Variants in CLSTN2 observed in about 807,000 individuals in gnomAD.
The protein encoded by CLSTN2 is calsyntenin 2, also known as calsyntenin-2.
Under a neutral mutation model 101.2 loss-of-function variants are expected in CLSTN2, and 48 were observed. The ratio of observed to expected loss-of-function variants is 0.47; its 90% CI spans 0.38 to 0.60. The LOEUF (loss-of-function observed/expected upper bound fraction) is 0.60. CLSTN2 is among the 20% of genes least tolerant of loss of function. The pLI, the probability that CLSTN2 is intolerant of heterozygous loss-of-function variation, is 0.00. For synonymous variants in CLSTN2, 481 were observed against 463.6 expected, an observed-to-expected ratio of 1.04 and a Z score of -0.48; for missense variants, 1,160 against 1,238.2, an observed-to-expected ratio of 0.94 and a Z score of 0.95.
At chr3:140,417,561 C>G (rs1237574777) in intron 4 of CLSTN2, among the ~76,000 whole-genome samples, 2 of 152,124 alleles carry the variant, frequency 1.3e-5, no homozygotes, top group Non-Finnish European at 2.9e-5. Flanking sequence ...AAAAAAAATA[C>G]CTAAACTAAT....
rs181874588 is a variant in CLSTN2, at chr3:140,151,528, T to C, written c.110-24423T>C. 7.9e-5 allele frequency among the ~76,000 whole-genome samples: 12 copies of C among 152,148 alleles called. No individual in the cohort carries two copies. The East Asian group carries it at 2.3e-3, about 30-fold the overall frequency. ...TTATACACGGGGTGACGGGAGTTGC[T>C]GGAAGGGTGTAATCAGGGAGGTGGC... On this transcript the variant is annotated intron_variant, in intron 1 of 16. Coordinates refer to ENST00000458420, the MANE Select transcript of CLSTN2 (RefSeq NM_022131.3).
At chr3:140,156,490 A>G (rs1368844673) in intron 1 of CLSTN2, among the ~76,000 whole-genome samples, 1 of 152,196 alleles carries the variant, frequency 6.6e-6, no homozygotes, top group Non-Finnish European at 1.5e-5. Flanking sequence ...CAGGCATTCT[A>G]TATGGCAGCT....
intron 1 of CLSTN2, among the ~76,000 whole-genome samples, chr3:140,070,950 G>C (rs1162396320): frequency 6.6e-6 from 1 of 152,074 alleles, no homozygotes; most frequent in Non-Finnish European, 1.5e-5. Context: ...GAAAAAGTTT[G>C]CAGATTTCTG....
chr3:140,012,852 T>C (rs1387303613), intron 1 of CLSTN2, among the ~76,000 whole-genome samples: 1 of 152,130 alleles, frequency 6.6e-6, no homozygotes, highest in Non-Finnish European at 1.5e-5. Flanking sequence ...AGAGGGAAAC[T>C]GATGAGCCTG....
At chr3:140,522,855 T>C (rs1935059692) in intron 8 of CLSTN2, among the ~76,000 whole-genome samples, 1 of 152,054 alleles carries the variant, frequency 6.6e-6, no homozygotes, top group Admixed American at 6.6e-5. Flanking sequence ...CTGTGGTTCC[T>C]GTTATGTGAG....
In CLSTN2 at chr3:140,448,510, T is replaced by C; in HGVS notation, c.788-9T>C. On this transcript the variant is annotated splice_polypyrimidine_tract_variant and intron_variant, in intron 5 of 16. Coordinates refer to ENST00000458420, the MANE Select transcript of CLSTN2 (RefSeq NM_022131.3). The stretch of plus-strand genomic sequence containing the variant: ...TGATTCACTTTTCATCCTTTCCTTG[T>C]TTGTTTAGACTGGACCAAGAGGATT... The C allele has an allele frequency of 1.9e-6, 3 of 1,598,696 alleles. No individual in the cohort carries two copies. The highest frequency in any genetic ancestry group is 2.6e-6 in the Non-Finnish European group (3 of 1,168,336).
chr3:140,507,746 T>C (rs888520723), intron 8 of CLSTN2: 1 of 152,208 alleles, frequency 6.6e-6, no homozygotes, highest in Non-Finnish European at 1.5e-5. Context: ...CGTGAGTGTT[T>C]AATTTTCTGT....
intron 1 of CLSTN2, among the ~76,000 whole-genome samples, chr3:140,065,639 A>C (rs1327671716): frequency 1.3e-5 from 2 of 152,196 alleles, no homozygotes; most frequent in Non-Finnish European, 2.9e-5. Flanking sequence ...GTCAACACCC[A>C]GACTTAACTG....
chr3:140,224,393 C>T (rs1175309009), intron 2 of CLSTN2, among the ~76,000 whole-genome samples: 1 of 152,108 alleles, frequency 6.6e-6, no homozygotes, highest in Admixed American at 6.5e-5. Flanking sequence ...ATTTTTTAGT[C>T]ATTTAGCTAG....
At chr3:139,983,901 T>G (rs1935978576) in intron 1 of CLSTN2, among the ~76,000 whole-genome samples, 1 of 152,200 alleles carries the variant, frequency 6.6e-6, no homozygotes, top group Non-Finnish European at 1.5e-5. Context: ...CTAATGCTTC[T>G]AAAAATAAAT....
intron 9 of CLSTN2, among the ~76,000 whole-genome samples, chr3:140,537,385 GA>G (rs150656306): frequency 1.3e-5 from 2 of 150,142 alleles, no homozygotes; most frequent in East Asian, 1.9e-4. Context: ...TTCTAGCAAT[GA>G]AAAAAAAATG....
chr3:140,244,157 G>A (rs547390882), intron 2 of CLSTN2, among the ~76,000 whole-genome samples: 1 of 152,340 alleles, frequency 6.6e-6, no homozygotes, highest in South Asian at 2.1e-4. Flanking sequence ...CCAGGGTTAT[G>A]TAGCAACATG....
At chr3:140,081,955 A>G (rs1045675587) in intron 1 of CLSTN2, among the ~76,000 whole-genome samples, 3 of 152,134 alleles carry the variant, frequency 2.0e-5, no homozygotes, top group African/African-American at 4.8e-5. Context: ...AACTAACTGT[A>G]ACTTGTTCAT....
chr3:140,249,959 T>C (rs985173409), intron 2 of CLSTN2, among the ~76,000 whole-genome samples: 1 of 152,206 alleles, frequency 6.6e-6, no homozygotes, highest in African/African-American at 2.4e-5. Context: ...GGCTTACAGC[T>C]GGCAGGGAAA....
intron 1 of CLSTN2, among the ~76,000 whole-genome samples, chr3:140,084,458 A>G (rs1003545087): frequency 1.3e-5 from 2 of 152,206 alleles, no homozygotes; most frequent in African/African-American, 4.8e-5. Context: ...GGTTAGGAAT[A>G]AGTGTGTATG....
At chr3:140,181,429 AT>A (rs939215601) in intron 2 of CLSTN2, among the ~76,000 whole-genome samples, 2 of 152,008 alleles carry the variant, frequency 1.3e-5, no homozygotes, top group Non-Finnish European at 2.9e-5. Context: ...ATAATCTGTG[AT>A]TTTTTTTAAA....
chr3:140,150,976 C>G (rs2107814011), intron 1 of CLSTN2, among the ~76,000 whole-genome samples: 1 of 152,060 alleles, frequency 6.6e-6, no homozygotes, highest in African/African-American at 2.4e-5. Context: ...GCACCTTGTT[C>G]TTAGAAGGGC....
chr3:140,303,844 T>G (rs1439106656), intron 2 of CLSTN2, among the ~76,000 whole-genome samples: 1 of 151,752 alleles, frequency 6.6e-6, no homozygotes, highest in East Asian at 1.9e-4. Context: ...GGAATCTCAC[T>G]TTGGACTTCC....
At chr3:139,972,871 C>T (rs897311657) in intron 1 of CLSTN2, among the ~76,000 whole-genome samples, 3 of 152,100 alleles carry the variant, frequency 2.0e-5, no homozygotes, top group African/African-American at 7.2e-5. Flanking sequence ...GATGGATGAA[C>T]GAATGAATGA....
Sources: allele counts gnomAD v4.1 joint callset (sites outside exome capture counted in the v4.1 genomes callset), GRCh38; gene constraint gnomAD v4.1.1; transcripts MANE v1.5; gene names NCBI Gene and HGNC (gene_info 2026-07-23, HGNC 2026-07-21).